The following PLCG2 variants were observed in gnomAD, a reference collection of about 807,000 sequenced individuals.
PLCG2 encodes 1-phosphatidylinositol 4,5-bisphosphate phosphodiesterase gamma-2.
PLCG2 carries 69 observed loss-of-function variants against 175.6 expected under a neutral mutation model. The observed-to-expected ratio is 0.39, with a 90% CI of 0.32 to 0.48. PLCG2 has a LOEUF of 0.48. Ranked by LOEUF, PLCG2 falls within the 20% of genes least tolerant of loss-of-function variation. The pLI is 0.91. For synonymous variants in PLCG2, 827 were observed against 624.0 expected (o/e 1.33, Z -4.85); for missense variants, 1,798 against 1,650.9 (o/e 1.09, Z -1.54).
intron 2 of PLCG2, among the ~76,000 whole-genome samples, chr16:81,771,512 G>T (rs2143110568): frequency 6.6e-6 from 1 of 152,288 alleles, no homozygotes; most frequent in Non-Finnish European, 1.5e-5. Context: ...AGTCTTCGCA[G>T]CTCCATGAGG....
intron 18 of PLCG2, 145 bp downstream of exon 18, chr16:81,910,865 C>G: frequency 1.4e-6 from 1 of 721,622 alleles, no homozygotes; most frequent in Admixed American, 2.2e-5. Context: ...GCCGAGGTGG[C>G]CAGTTTCCAA....
intron 14 of PLCG2, among the ~76,000 whole-genome samples, chr16:81,903,461 G>C (rs1909236164): frequency 6.6e-6 from 1 of 152,252 alleles, no homozygotes; most frequent in African/African-American, 2.4e-5. Flanking sequence ...TTAAGGTACA[G>C]ATGTTTGCCT....
intron 2 of PLCG2, among the ~76,000 whole-genome samples, chr16:81,764,791 A>C (rs1168861595): frequency 3.3e-5 from 5 of 152,178 alleles, no homozygotes; most frequent in African/African-American, 1.2e-4. Flanking sequence ...GCATTAGGGT[A>C]CATCCTAAAT....
intron 2 of PLCG2, among the ~76,000 whole-genome samples, chr16:81,846,722 A>G (rs1906138990): frequency 6.6e-6 from 1 of 152,198 alleles, no homozygotes; most frequent in African/African-American, 2.4e-5. Flanking sequence ...TATAGATTCA[A>G]CACAATCCCA....
intron 24 of PLCG2, among the ~76,000 whole-genome samples, chr16:81,929,493 T>A (rs1010907502): frequency 1.3e-5 from 2 of 152,200 alleles, no homozygotes; most frequent in Non-Finnish European, 2.9e-5. Context: ...CCTCCTGGAT[T>A]CAAGTGATTC....
intron 10 of PLCG2, among the ~76,000 whole-genome samples, chr16:81,891,192 A>G (rs1225156147): frequency 6.6e-6 from 1 of 152,188 alleles, no homozygotes; most frequent in Non-Finnish European, 1.5e-5. Context: ...ACCAACAACA[A>G]TGTATATATG....
chr16:81,865,709 ACGC>A (rs1907195158), intron 5 of PLCG2, among the ~76,000 whole-genome samples: 1 of 149,796 alleles, frequency 6.7e-6, no homozygotes, highest in African/African-American at 2.5e-5. Flanking sequence ...GCATGAGAGG[ACGC>A]TGGCCTCTCC....
intron 2 of PLCG2, among the ~76,000 whole-genome samples, chr16:81,850,344 A>G (rs751384863): frequency 3.3e-5 from 5 of 152,208 alleles, no homozygotes; most frequent in Non-Finnish European, 7.3e-5. Context: ...AGCTTCCCCC[A>G]GATAAATGAA....
intron 2 of PLCG2, among the ~76,000 whole-genome samples, chr16:81,771,364 A>G (rs1290685218): frequency 6.6e-6 from 1 of 152,072 alleles, no homozygotes; most frequent in Non-Finnish European, 1.5e-5. Flanking sequence ...AGTAGCCAGG[A>G]CTATTCTGAC....
intron 31 of PLCG2, among the ~76,000 whole-genome samples, chr16:81,947,381 A>C (rs954762606): frequency 3.9e-5 from 6 of 152,154 alleles, no homozygotes; most frequent in Non-Finnish European, 8.8e-5. Context: ...CACATCTGTC[A>C]CCTGGTTCTG....
chr16:81,818,486 A>T (rs944257771), intron 2 of PLCG2, among the ~76,000 whole-genome samples: 1 of 152,100 alleles, frequency 6.6e-6, no homozygotes, highest in African/African-American at 2.4e-5. Flanking sequence ...GCATGGGTGA[A>T]TGCCATTCTT....
At chr16:81,788,367 G>C (rs930709519) in intron 2 of PLCG2, among the ~76,000 whole-genome samples, 13 of 152,240 alleles carry the variant, frequency 8.5e-5, no homozygotes, top group African/African-American at 2.9e-4. Context: ...TGCAAGCTCC[G>C]CCTCCCGGAT....
At chr16:81,757,693 T>A (rs953829975) in intron 2 of PLCG2, among the ~76,000 whole-genome samples, 2 of 152,198 alleles carry the variant, frequency 1.3e-5, no homozygotes, top group African/African-American at 4.8e-5. Flanking sequence ...ATTCACCCAT[T>A]TAAAGTGTGA....
chr16:81,883,225 T>A lies in PLCG2; in HGVS notation c.693-44T>A, dbSNP rs753988304. On this transcript the variant is annotated intron_variant, in intron 8 of 32. Transcript: ENST00000564138. ...TGGCATCTCCTCTCGACTCCTCTGT[T>A]GAATGTGTCTGTCTCTAACTGCACC... 8 of 1,567,068 alleles carry A rather than the reference T, an allele frequency of 5.1e-6. No homozygotes were observed. In the Admixed American group the frequency reaches 1.2e-4, roughly 23 times the overall value.
chr16:81,948,181 G>C (rs1297315798), intron 31 of PLCG2, among the ~76,000 whole-genome samples: 1 of 152,128 alleles, frequency 6.6e-6, no homozygotes, highest in Non-Finnish European at 1.5e-5. Flanking sequence ...AAAGAAAAAA[G>C]GACCATGTAT....
At chr16:81,826,842 C>T (rs974563376) in intron 2 of PLCG2, among the ~76,000 whole-genome samples, 1 of 152,198 alleles carries the variant, frequency 6.6e-6, no homozygotes, top group Non-Finnish European at 1.5e-5. Context: ...CTGCCGGAGA[C>T]AATTTTGAGT....
rs529500263 is a variant in PLCG2, at chr16:81,887,293, G to C, written c.766-1879G>C. 2.6e-5 allele frequency among the ~76,000 whole-genome samples: 4 copies of C among 152,006 alleles called. No homozygotes were observed. The South Asian group carries it at 8.3e-4, about 32-fold the overall frequency. ...CGCCACCACGCCCAGCTAATTTTTT[G>C]TGTTTTTAGTAGAGACGGGGTTTCA... is the stretch of plus-strand genomic sequence containing the variant. On this transcript the variant is annotated intron_variant, in intron 9 of 32. Transcript: ENST00000564138.
chr16:81,833,416 T>A (rs1012104086), intron 2 of PLCG2, among the ~76,000 whole-genome samples: 16 of 151,588 alleles, frequency 1.1e-4, no homozygotes, highest in African/African-American at 3.9e-4. Context: ...GGGGTGGCCG[T>A]TCCCTGTGGG....
chr16:81,912,727 G>T lies in PLCG2; in HGVS notation c.2054+11G>T. The T allele has an allele frequency of 6.3e-7, 1 of 1,589,100 alleles. No homozygotes were observed. Among genetic ancestry groups the T allele is most frequent in the Non-Finnish European group, 8.6e-7 (1 of 1,168,184 alleles). ...TGCCATCACCTTCAGGTGGGTGCGA[G>T]GGTGGGAGGCACATGCTCTACAGAG... On this transcript the variant is annotated intron_variant, in intron 19 of 32. Transcript: ENST00000564138.
Sources: gnomAD v4.1 joint callset for allele counts (sites outside exome capture counted in the v4.1 genomes callset) on GRCh38, gnomAD v4.1.1 for gene constraint, MANE v1.5 for transcripts, NCBI Gene and HGNC (gene_info 2026-07-23, HGNC 2026-07-21) for gene names.